The following SP140 variants were observed in gnomAD, a reference collection of about 807,000 sequenced individuals.
The protein encoded by SP140 is SP140 nuclear body protein.
In SP140, 81 loss-of-function variants were observed where a neutral mutation model predicts 125.0. The ratio of observed to expected loss-of-function variants is 0.65; its 90% confidence interval spans 0.54 to 0.78. The LOEUF (loss-of-function observed/expected upper bound fraction) is 0.78, where lower values mean the gene tolerates loss of function less well. Ranked by LOEUF, SP140 falls within the 30% of genes least tolerant of loss-of-function variation. The pLI is 0.00. For missense variants in SP140, 858 were observed against 1,037.0 expected (o/e 0.83, Z 2.37); for synonymous variants, 312 against 354.0 (o/e 0.88, Z 1.33).
intron 3 of SP140, among the ~76,000 whole-genome samples, chr2:230,215,627 G>A (rs141206912): frequency 6.6e-6 from 1 of 152,298 alleles, no homozygotes; most frequent in East Asian, 1.9e-4. Flanking sequence ...TCCTTGCCTA[G>A]AGGATGGACA....
intron 1 of SP140, among the ~76,000 whole-genome samples, chr2:230,210,425 T>A (rs148855168): frequency 6.6e-6 from 1 of 152,346 alleles, no homozygotes; most frequent in African/African-American, 2.4e-5. Context: ...TGAAATCTGA[T>A]GTCCATGATG....
chr2:230,236,723 T>C (rs1266035255), intron 1 of SP140, among the ~76,000 whole-genome samples: 1 of 152,256 alleles, frequency 6.6e-6, no homozygotes, highest in East Asian at 1.9e-4. Context: ...ACCCTCAAAG[T>C]TGGCATATAA....
At chr2:230,310,639 G>T in intron 23 of SP140, 104 bp from the exon 24 acceptor site, 2 of 1,561,458 alleles carry the variant, frequency 1.3e-6, no homozygotes, top group Non-Finnish European at 1.7e-6. Context: ...TCCCTCCCAT[G>T]ACTGAGCCCA....
rs2053624635 is a variant in SP140 at position 230,269,611 on chromosome 2, T to A, written c.1320T>A (p.Asn440Lys). 2.6e-6 allele frequency: 4 copies of A among 1,538,150 alleles called. No homozygotes were observed. Among genetic ancestry groups the A allele is most frequent in the Admixed American group, 2.0e-5 (1 of 50,854 alleles). Residue 440 changes from asparagine to lysine, a missense_variant, in exon 13 of 27, where the codon AAT becomes AAA. Asn to Lys is a moderately conservative substitution (Grantham distance 94, BLOSUM62 0). Transcript: ENST00000392045. ...EELASSLLYD[N>K]VPGAEQSAYE... ...TTGCTTCTAGCCTGCTATATGATAA[T>A]GTACCAGGTAATTATGACTTAAAAA...
At chr2:230,216,102 C>T (rs1021341184) in intron 3 of SP140, among the ~76,000 whole-genome samples, 2 of 152,190 alleles carry the variant, frequency 1.3e-5, no homozygotes, top group African/African-American at 2.4e-5. Context: ...GCCTGCCTGT[C>T]TCACATCAGA....
rs1317260006 is a variant in SP140, at chr2:230,211,272, T to TC, written c.-322-2377dup. ...TTTTCCAGACTTGCCTCCTTTGCCC[T>TC]CCCCCAGGGACTCTGTATCCATTCA... On this transcript the variant is annotated intron_variant, in intron 1 of 4. Transcript: ENST00000456542. The surrounding 1 kb of genome is among the most constrained non-coding windows in gnomAD (Gnocchi z 4.2). Among the ~76,000 whole-genome samples the TC allele has an allele frequency of 2.6e-5, 4 of 152,016 alleles. No homozygotes were observed. Among genetic ancestry groups the TC allele is most frequent in the Non-Finnish European group, 4.4e-5 (3 of 67,992 alleles).
intron 9 of SP140, among the ~76,000 whole-genome samples, chr2:230,249,864 C>A (rs988013483): frequency 5.3e-5 from 8 of 152,126 alleles, no homozygotes; most frequent in Admixed American, 2.0e-4. Flanking sequence ...CCAATCCAGG[C>A]CCCCCTAGGT....
At chr2:230,252,904 T>C (rs1049153135) in intron 10 of SP140, among the ~76,000 whole-genome samples, 2 of 151,730 alleles carry the variant, frequency 1.3e-5, no homozygotes, top group East Asian at 3.9e-4. Flanking sequence ...CAGGGATCAA[T>C]GTAAGGCTTT....
chr2:230,267,222 G>A, intron 12 of SP140, among the ~76,000 whole-genome samples: 1 of 152,198 alleles, frequency 6.6e-6, no homozygotes, highest in East Asian at 1.9e-4. Flanking sequence ...GTACAGGGAA[G>A]TGAGGTATAC....
chr2:230,221,281 GAA>G (rs113981247), upstream of SP140, among the ~76,000 whole-genome samples: 11 of 82,602 alleles, frequency 1.3e-4, no homozygotes, highest in Admixed American at 2.8e-4. Context: ...ACTCCATCTC[GAA>G]AAAAAAAAAA....
intron 7 of SP140, among the ~76,000 whole-genome samples, chr2:230,246,411 G>A (rs1330787319): frequency 6.6e-6 from 1 of 152,144 alleles, no homozygotes; most frequent in African/African-American, 2.4e-5. Context: ...ACCACATTGG[G>A]TAACATTTGG....
chr2:230,220,298 A>C (rs1172221776), intron 3 of SP140, among the ~76,000 whole-genome samples: 1 of 152,210 alleles, frequency 6.6e-6, no homozygotes, highest in African/African-American at 2.4e-5. Flanking sequence ...ACTTGTCCTC[A>C]TTCTGTACAT....
chr2:230,201,940 C>T (rs2148856910), upstream of SP140, among the ~76,000 whole-genome samples: 1 of 152,278 alleles, frequency 6.6e-6, no homozygotes, highest in African/African-American at 2.4e-5. Context: ...TAAATTACCT[C>T]ACCCTTTTAA....
At chr2:230,228,734 A>G (rs888481341) in intron 1 of SP140, among the ~76,000 whole-genome samples, 2 of 152,158 alleles carry the variant, frequency 1.3e-5, no homozygotes, top group Non-Finnish European at 2.9e-5. Context: ...TAGTGTTGGC[A>G]TGGTATATCT....
intron 22 of SP140, among the ~76,000 whole-genome samples, chr2:230,300,838 A>G (rs890283594): frequency 6.6e-6 from 1 of 152,256 alleles, no homozygotes; most frequent in African/African-American, 2.4e-5. Context: ...CAGAAGGTCA[A>G]TTATTCAGCT....
intron 13 of SP140, 25 bp from the exon 14 acceptor site, chr2:230,269,812 T>C (rs1388150004): frequency 1.3e-6 from 2 of 1,566,390 alleles, no homozygotes; most frequent in South Asian, 2.2e-5. Flanking sequence ...ACTGAAAGTC[T>C]TCATGAATCA....
chr2:230,243,915 C>A, intron 5 of SP140, 104 bp downstream of exon 5: 1 of 750,492 alleles, frequency 1.3e-6, no homozygotes, highest in Non-Finnish European at 2.3e-6. Flanking sequence ...ATGCCACAGG[C>A]AAAAGATCCA....
upstream of SP140, chr2:230,221,919 G>A (rs1457699158): frequency 4.6e-5 from 28 of 609,778 alleles, no homozygotes; most frequent in Non-Finnish European, 8.2e-5. Flanking sequence ...GATGAAAGAT[G>A]TTTATTCTAA....
chr2:230,236,098 A>G (rs2047970817), intron 1 of SP140, among the ~76,000 whole-genome samples: 1 of 151,952 alleles, frequency 6.6e-6, no homozygotes, highest in African/African-American at 2.4e-5. Context: ...GATGGTCTCG[A>G]TCTCCTGACC....
Sources: allele counts gnomAD v4.1 joint callset (sites outside exome capture counted in the v4.1 genomes callset), GRCh38; gene constraint gnomAD v4.1.1; non-coding constraint Gnocchi (gnomAD v3.1); transcripts MANE v1.5; gene names NCBI Gene and HGNC (gene_info 2026-07-23, HGNC 2026-07-21).